The following ACTR3C variants were observed in gnomAD, a reference collection of about 807,000 sequenced individuals.
ACTR3C encodes actin related protein 3C.
A neutral mutation model predicts 26.3 loss-of-function variants in ACTR3C; 18 were observed. The ratio of observed to expected loss-of-function variants is 0.68; its 90% CI spans 0.47 to 1.01. The LOEUF is 1.01. Ranked by LOEUF, ACTR3C falls within the 50% of genes least tolerant of loss-of-function variation. The pLI is 0.00. For missense variants in ACTR3C, 184 were observed against 250.7 expected (o/e 0.73, Z 1.80); for synonymous variants, 55 against 94.5 (o/e 0.58, Z 2.42).
the ACTR3C span, among the ~76,000 whole-genome samples, chr7:150,130,359 G>T: frequency 6.6e-6 from 1 of 152,080 alleles, no homozygotes; most frequent in Non-Finnish European, 1.5e-5. Context: ...TCTTCAAAAG[G>T]CACTATTAAG....
the ACTR3C span, among the ~76,000 whole-genome samples, chr7:150,049,329 G>A: frequency 2.6e-5 from 4 of 152,036 alleles, no homozygotes; most frequent in African/African-American, 9.7e-5. Context: ...GCCCCTTCCA[G>A]CCCTTCCCGG....
the ACTR3C span, among the ~76,000 whole-genome samples, chr7:150,181,848 G>T: frequency 6.6e-6 from 1 of 150,538 alleles, no homozygotes; most frequent in Middle Eastern, 3.2e-3. Flanking sequence ...GAGTATAATT[G>T]ATTCAGTCAA....
At chr7:149,903,891 TTTGTTGTTGCTGGTTGTTGTTG>T in the ACTR3C span, among the ~76,000 whole-genome samples, 1 of 26,002 alleles carries the variant, frequency 3.8e-5, no homozygotes, top group African/African-American at 6.3e-5. Flanking sequence ...GTTGTTGTTG[TTTGTTGTTGCTGGTTGTTGTTG>T]TTGTTGTTGT....
intron 4 of ACTR3C, 77 bp from the exon 5 acceptor site, chr7:150,286,617 G>T (rs1429825240): frequency 1.7e-5 from 26 of 1,574,546 alleles, no homozygotes; most frequent in Admixed American, 3.5e-5. Flanking sequence ...TAACCAGGAA[G>T]CCCATGCAGT....
At chr7:150,300,924 CGTGA>C (rs1262081363) in intron 1 of ACTR3C, among the ~76,000 whole-genome samples, 2 of 151,876 alleles carry the variant, frequency 1.3e-5, no homozygotes, top group African/African-American at 2.4e-5. Flanking sequence ...ATTTAAAGCA[CGTGA>C]GTAAGAGATG....
At chr7:150,140,949 C>T in the ACTR3C span, among the ~76,000 whole-genome samples, 1,294 of 152,330 alleles carry the variant, frequency 8.5e-3, 28 homozygotes, top group African/African-American at 0.03. Flanking sequence ...GCAAAACAGC[C>T]TTATTGCTGA....
chr7:150,283,746 T>C (rs1402261063), intron 6 of ACTR3C, among the ~76,000 whole-genome samples: 1 of 151,376 alleles, frequency 6.6e-6, no homozygotes, highest in East Asian at 1.9e-4. Context: ...GACACAATGC[T>C]GAGTGCTGTC....
chr7:150,130,481 C>T, the ACTR3C span, among the ~76,000 whole-genome samples: 1 of 152,030 alleles, frequency 6.6e-6, no homozygotes, highest in Non-Finnish European at 1.5e-5. Flanking sequence ...AGGCAATGTC[C>T]AATAATAAAC....
chr7:150,251,024 C>T (rs1162752981), intron 6 of ACTR3C, among the ~76,000 whole-genome samples: 2 of 152,136 alleles, frequency 1.3e-5, no homozygotes, highest in Non-Finnish European at 2.9e-5. Flanking sequence ...CATCAGCAAA[C>T]AAGAATGAGG....
the ACTR3C span, among the ~76,000 whole-genome samples, chr7:150,094,964 C>CCA: frequency 6.9e-6 from 1 of 144,090 alleles, no homozygotes; most frequent in Admixed American, 6.9e-5. Context: ...CCCCCAGCCC[C>CCA]CACAGCCCCC....
At chr7:150,268,137 C>A (rs1412707788) in intron 6 of ACTR3C, among the ~76,000 whole-genome samples, 3 of 151,252 alleles carry the variant, frequency 2.0e-5, no homozygotes, top group Non-Finnish European at 4.4e-5. Context: ...GTACATTTGG[C>A]CAATGTGTAC....
the ACTR3C span, among the ~76,000 whole-genome samples, chr7:150,025,680 T>C: frequency 1.3e-5 from 2 of 152,130 alleles, no homozygotes; most frequent in African/African-American, 4.8e-5. Context: ...TTTCAAATCA[T>C]AGTGGTAGTG....
the ACTR3C span, among the ~76,000 whole-genome samples, chr7:150,039,333 C>A: frequency 0.029 from 4,051 of 139,896 alleles, 2 homozygotes; most frequent in African/African-American, 0.11. Context: ...GGGGATAGCT[C>A]TCAGTCCCCA....
At chr7:150,086,647 G>A in the ACTR3C span, among the ~76,000 whole-genome samples, 1 of 152,226 alleles carries the variant, frequency 6.6e-6, no homozygotes, top group Non-Finnish European at 1.5e-5. Context: ...CCTGGGCTGG[G>A]AAGAGCATGA....
At chr7:150,273,789 G>A (rs1834636850) in intron 6 of ACTR3C, among the ~76,000 whole-genome samples, 1 of 151,204 alleles carries the variant, frequency 6.6e-6, no homozygotes, top group Non-Finnish European at 1.5e-5. Flanking sequence ...CTGTGGTCTT[G>A]CAGACTCTGA....
the ACTR3C span, among the ~76,000 whole-genome samples, chr7:149,961,347 G>A: frequency 1.3e-5 from 2 of 152,044 alleles, no homozygotes; most frequent in Admixed American, 6.5e-5. Context: ...TGCACAGAAA[G>A]TGTATGCTCA....
the ACTR3C span, among the ~76,000 whole-genome samples, chr7:149,888,062 A>G: frequency 1.3e-5 from 2 of 152,198 alleles, no homozygotes; most frequent in African/African-American, 2.4e-5. Flanking sequence ...AATACAGGCC[A>G]GCTGATGCAG....
At chr7:150,112,552 ACT>A in the ACTR3C span, among the ~76,000 whole-genome samples, 3 of 151,832 alleles carry the variant, frequency 2.0e-5, no homozygotes, top group South Asian at 2.1e-4. Flanking sequence ...CCACTCCAGC[ACT>A]GTCAGCCCTC....
the ACTR3C span, among the ~76,000 whole-genome samples, chr7:149,927,626 G>A: frequency 6.6e-6 from 1 of 151,556 alleles, no homozygotes; most frequent in Non-Finnish European, 1.5e-5. Flanking sequence ...TACTTGGGAG[G>A]CTGAGGCAGG....
Sources: gnomAD v4.1 joint callset for allele counts (sites outside exome capture counted in the v4.1 genomes callset) on GRCh38, gnomAD v4.1.1 for gene constraint, MANE v1.5 for transcripts, NCBI Gene and HGNC (gene_info 2026-07-23, HGNC 2026-07-21) for gene names.